The following HK1 variants were observed in gnomAD, a reference collection of about 807,000 sequenced individuals.
The protein encoded by HK1 is hexokinase-1.
In HK1, 28 loss-of-function variants were observed where a neutral mutation model predicts 91.6. The observed-to-expected ratio is 0.31, with a 90% CI of 0.23 to 0.42. The LOEUF (loss-of-function observed/expected upper bound fraction) is 0.42. HK1 is among the 10% of genes least tolerant of loss of function. The probability of loss-of-function intolerance (pLI) is 1.00; values close to 1 mark genes in which losing one functional copy is unlikely to be tolerated. For synonymous variants in HK1, 430 were observed against 468.1 expected (o/e 0.92, Z 1.05); for missense variants, 770 against 1,219.8 (o/e 0.63, Z 5.49).
At chr10:69,394,834 G>T in intron 15 of HK1, 116 bp from the exon 16 acceptor site, 1 of 1,007,788 alleles carries the variant, frequency 9.9e-7, no homozygotes, top group South Asian at 1.3e-5. Flanking sequence ...TGGGCACATG[G>T]CTGTTGATGA....
chr10:69,311,460 A>G (rs1462630814), upstream of HK1, among the ~76,000 whole-genome samples: 1 of 152,116 alleles, frequency 6.6e-6, no homozygotes, highest in Non-Finnish European at 1.5e-5. Context: ...TGCTGGGAGA[A>G]CTATCCCAGG....
At chr10:69,350,226 C>T (rs1008118020) in intron 2 of HK1, among the ~76,000 whole-genome samples, 3 of 152,198 alleles carry the variant, frequency 2.0e-5, no homozygotes, top group Non-Finnish European at 2.9e-5. Flanking sequence ...GGATCCCATG[C>T]CTGGATTACG....
chr10:69,398,931 C>T lies in HK1; in HGVS notation c.2609+103C>T, dbSNP rs2132975975. 5 of 833,438 alleles carry T rather than the reference C, an allele frequency of 6.0e-6. No individual in the cohort carries two copies. In the East Asian group the frequency reaches 1.3e-4, roughly 22 times the overall value. 51.6% of individuals were successfully genotyped at this position (833,438 alleles called of 1,614,324 possible). On this transcript the variant is annotated intron_variant, in intron 17 of 17. Coordinates refer to ENST00000359426, the MANE Select transcript of HK1 (RefSeq NM_000188.3). The stretch of plus-strand genomic sequence containing the variant: ...CGCTGGGGAAATGCCCTGCGGGAGC[C>T]CAGCCAGGCTGAAGGCTGTGCGTTC...
rs747384178 is a variant in HK1 at position 69,377,009 on chromosome 10, C to T, written c.951C>T (p.Gly317=). 5.0e-6 allele frequency: 8 copies of T among 1,614,122 alleles called. No homozygotes were observed. Among genetic ancestry groups the T allele is most frequent in the Non-Finnish European group, 5.9e-6 (7 of 1,180,020 alleles). ...RLILVKMAKE[G]LLFEGRITPE... ...TCCTAGTCAAGATGGCCAAGGAGGG[C>T]CTCTTATTTGAAGGGCGGATCACCC... The change falls in exon 8 of 18, where the codon GGC becomes GGT. Residue 317 remains glycine, a synonymous_variant. Transcript: ENST00000359426.
Position 69,401,081 on chromosome 10 carries a change from G to A in HK1, c.2700G>A (p.Gly900=), listed in dbSNP as rs1471700752. 1.2e-6 allele frequency: 2 copies of A among 1,614,160 alleles called. No homozygotes were observed. Among genetic ancestry groups the A allele is most frequent in the Non-Finnish European group, 1.7e-6 (2 of 1,180,034 alleles). ...FLLSEDGSGK[G]AALITAVGVR... is the part of the protein sequence containing the mutation. Reference sequence around the variant, plus strand: ...TGTCTGAGGATGGCAGCGGCAAGGGGGCCGCCCTCATCACGGCCGTGGGCG... The same window carrying A: ...TGTCTGAGGATGGCAGCGGCAAGGGAGCCGCCCTCATCACGGCCGTGGGCG... Residue 900 remains glycine (G), a synonymous_variant, in exon 18 of 18, where the codon GGG becomes GGA. Coordinates refer to ENST00000359426, the MANE Select transcript of HK1 (RefSeq NM_000188.3).
In HK1 at chr10:69,392,310, T is replaced by C; in HGVS notation, c.2219+2T>C. On this transcript the variant is annotated splice_donor_variant, in intron 15 of 17. Transcript: ENST00000359426. LOFTEE classifies it high-confidence loss of function. ...TTCCCTAAATGCTGGGAAACAAAGG[T>C]AACCCCGCCTGGTGGAGAGGACACT... 1 of 1,614,124 alleles carries C rather than the reference T, an allele frequency of 6.2e-7. No individual in the cohort carries two copies. The highest frequency in any genetic ancestry group is 8.5e-7 in the Non-Finnish European group (1 of 1,179,996).
intron 16 of HK1, among the ~76,000 whole-genome samples, chr10:69,396,663 T>C (rs1210323026): frequency 6.6e-6 from 1 of 152,110 alleles, no homozygotes; most frequent in Non-Finnish European, 1.5e-5. Context: ...TTGTGGCATG[T>C]GTTAGAATTT....
At chr10:69,367,262 A>G (rs114025069) in intron 4 of HK1, among the ~76,000 whole-genome samples, 7,348 of 152,122 alleles carry the variant, frequency 0.048, 202 homozygotes, top group African/African-American at 0.076. Context: ...GCGCCAGTGG[A>G]GCACAGACCC....
intron 4 of HK1, among the ~76,000 whole-genome samples, chr10:69,299,676 T>G (rs1254597387): frequency 1.4e-5 from 2 of 146,586 alleles, no homozygotes; most frequent in Non-Finnish European, 3.0e-5. Context: ...GTTTGTGTTT[T>G]TTTGAGATGG....
At chr10:69,315,790 T>C, upstream of HK1, 2 of 717,986 alleles carry the variant, frequency 2.8e-6, no homozygotes, top group Non-Finnish European at 5.1e-6. Flanking sequence ...GAGGCCCAGG[T>C]TGCATGAGGG....
chr10:69,395,261 G>C (rs1840083334), intron 16 of HK1, among the ~76,000 whole-genome samples, 156 bp downstream of exon 16: 1 of 152,146 alleles, frequency 6.6e-6, no homozygotes, highest in Non-Finnish European at 1.5e-5. Flanking sequence ...TTTGCATAGT[G>C]AAATCTTATA....
At chr10:69,291,636 C>G (rs1248810475) in intron 3 of HK1, among the ~76,000 whole-genome samples, 5 of 152,124 alleles carry the variant, frequency 3.3e-5, no homozygotes, top group Non-Finnish European at 1.5e-5. Flanking sequence ...CTCTTTCTAC[C>G]CACCATCAAG....
chr10:69,332,952 G>A (rs1198302393), intron 1 of HK1, among the ~76,000 whole-genome samples: 2 of 152,104 alleles, frequency 1.3e-5, no homozygotes, highest in Admixed American at 6.5e-5. Flanking sequence ...GCCTTGGATT[G>A]TGTGAGAGCT....
upstream of HK1, among the ~76,000 whole-genome samples, chr10:69,311,614 A>T (rs1239608270): frequency 6.6e-6 from 1 of 151,954 alleles, no homozygotes; most frequent in Non-Finnish European, 1.5e-5. Flanking sequence ...AATCTGGTTA[A>T]CCCTTCCTCC....
chr10:69,328,083 C>T (rs530926254), intron 1 of HK1, among the ~76,000 whole-genome samples: 10 of 152,262 alleles, frequency 6.6e-5, no homozygotes, highest in East Asian at 3.9e-4. Context: ...GGATCCGACC[C>T]GGGTAGGGCA....
chr10:69,372,927 G>A (rs1850091525), intron 7 of HK1, among the ~76,000 whole-genome samples: 1 of 152,050 alleles, frequency 6.6e-6, no homozygotes, highest in Admixed American at 6.6e-5. Context: ...GGAGTGCAAT[G>A]GCGCAATCTC....
At chr10:69,352,916 C>T (rs977136928) in intron 2 of HK1, among the ~76,000 whole-genome samples, 1 of 152,132 alleles carries the variant, frequency 6.6e-6, no homozygotes, top group Non-Finnish European at 1.5e-5. Context: ...AAAAAAACAA[C>T]CAACCAATAT....
At chr10:69,378,559 C>A (rs1160148644) in intron 8 of HK1, among the ~76,000 whole-genome samples, 1 of 152,130 alleles carries the variant, frequency 6.6e-6, no homozygotes, top group Non-Finnish European at 1.5e-5. Context: ...CCCAAAATAT[C>A]TACAGACAAA....
intron 1 of HK1, among the ~76,000 whole-genome samples, chr10:69,323,894 TC>T (rs1163123402): frequency 6.6e-6 from 1 of 152,206 alleles, no homozygotes; most frequent in African/African-American, 2.4e-5. Context: ...AGTCAGGGAT[TC>T]CTGGCAGACA....
Sources: allele counts gnomAD v4.1 joint callset (sites outside exome capture counted in the v4.1 genomes callset), GRCh38; gene constraint gnomAD v4.1.1; transcripts MANE v1.5; gene names NCBI Gene and HGNC (gene_info 2026-07-23, HGNC 2026-07-21).